Variants in PLXDC2 observed in about 807,000 individuals in gnomAD.
PLXDC2 encodes plexin domain-containing protein 2.
In PLXDC2, 40 loss-of-function variants were observed where a neutral mutation model predicts 68.9. The ratio of observed to expected loss-of-function variants is 0.58; its 90% CI spans 0.45 to 0.76. PLXDC2 has a LOEUF of 0.76. Ranked by LOEUF, PLXDC2 falls within the 30% of genes least tolerant of loss-of-function variation. PLXDC2 has a pLI of 0.00. For synonymous variants in PLXDC2, 243 were observed against 234.2 expected, an observed-to-expected ratio of 1.04 and a Z score of -0.34; for missense variants, 644 against 661.9, an observed-to-expected ratio of 0.97 and a Z score of 0.30.
chr10:20,056,535 G>T (rs79382948), intron 3 of PLXDC2, among the ~76,000 whole-genome samples: 5,897 of 152,162 alleles, frequency 0.039, 155 homozygotes, highest in South Asian at 0.067. Flanking sequence ...ACTAATAATT[G>T]AATCTACCCT....
chr10:20,222,472 T>G (rs896492411), intron 12 of PLXDC2, among the ~76,000 whole-genome samples: 28 of 152,228 alleles, frequency 1.8e-4, no homozygotes, highest in African/African-American at 6.3e-4. Flanking sequence ...TACATTTATA[T>G]TAGGTCCAGT....
intron 4 of PLXDC2, among the ~76,000 whole-genome samples, chr10:20,082,070 A>AAAAAAAAAAAAAAAAACAAAAAC: frequency 8.2e-6 from 1 of 121,932 alleles, no homozygotes; most frequent in Non-Finnish European, 1.8e-5. Flanking sequence ...AAATCAAAAA[A>AAAAAAAAAAAAAAAAACAAAAAC]AAAAAACAGG....
At chr10:19,893,782 G>A (rs1166488722) in intron 1 of PLXDC2, among the ~76,000 whole-genome samples, 1 of 152,196 alleles carries the variant, frequency 6.6e-6, no homozygotes, top group African/African-American at 2.4e-5. Flanking sequence ...TCATCAGCAT[G>A]TCATGTCAGA....
chr10:20,024,568 C>G (rs1361936643), intron 2 of PLXDC2, among the ~76,000 whole-genome samples: 1 of 151,972 alleles, frequency 6.6e-6, no homozygotes, highest in Non-Finnish European at 1.5e-5. Flanking sequence ...AACTTTTGTT[C>G]TTGTTTTTGT....
chr10:20,219,744 G>A (rs1785086653), intron 12 of PLXDC2, among the ~76,000 whole-genome samples: 1 of 152,010 alleles, frequency 6.6e-6, no homozygotes, highest in Admixed American at 6.6e-5. Flanking sequence ...ATGTATGCTG[G>A]GTCTTAATAA....
intron 12 of PLXDC2, among the ~76,000 whole-genome samples, chr10:20,244,938 A>G (rs908916693): frequency 4.6e-5 from 7 of 152,098 alleles, no homozygotes; most frequent in African/African-American, 1.7e-4. Context: ...AACATGGTGA[A>G]ATCCCATCTC....
intron 4 of PLXDC2, among the ~76,000 whole-genome samples, chr10:20,116,758 C>A (rs544154755): frequency 6.6e-6 from 1 of 152,114 alleles, no homozygotes; most frequent in Non-Finnish European, 1.5e-5. Context: ...TAAGCAATGA[C>A]ATCCCTTCTA....
At chr10:20,252,753 C>G (rs977120799) in intron 13 of PLXDC2, among the ~76,000 whole-genome samples, 2 of 152,286 alleles carry the variant, frequency 1.3e-5, no homozygotes, top group African/African-American at 2.4e-5. Context: ...AGCTTACATT[C>G]CAGTGGGTGG....
chr10:19,992,317 TG>T (rs1243145572), intron 1 of PLXDC2, among the ~76,000 whole-genome samples: 2 of 152,154 alleles, frequency 1.3e-5, no homozygotes, highest in African/African-American at 4.8e-5. Context: ...ACATTTTATG[TG>T]GTTTCTGGGT....
intron 1 of PLXDC2, among the ~76,000 whole-genome samples, chr10:19,984,631 A>G (rs914764676): frequency 3.3e-5 from 5 of 152,300 alleles, no homozygotes; most frequent in East Asian, 1.9e-4. Context: ...ATTTCTGCGC[A>G]TGACTGATGG....
chr10:20,116,173 A>T (rs1053709038), intron 4 of PLXDC2, among the ~76,000 whole-genome samples: 3 of 152,178 alleles, frequency 2.0e-5, no homozygotes, highest in Non-Finnish European at 4.4e-5. Flanking sequence ...GCCTCTTTTC[A>T]ACCTAAGGAG....
At chr10:20,179,517 C>T (rs1481607949) in intron 9 of PLXDC2, among the ~76,000 whole-genome samples, 1 of 151,920 alleles carries the variant, frequency 6.6e-6, no homozygotes, top group Non-Finnish European at 1.5e-5. Flanking sequence ...AGAAAAAAAA[C>T]AAGGACCATT....
intron 1 of PLXDC2, among the ~76,000 whole-genome samples, chr10:19,896,936 C>A (rs911056132): frequency 6.6e-6 from 1 of 152,154 alleles, no homozygotes; most frequent in South Asian, 2.1e-4. Context: ...CTCTTAGTAC[C>A]ACCTGAGGTT....
intron 1 of PLXDC2, among the ~76,000 whole-genome samples, chr10:19,929,644 G>A (rs555515634): frequency 6.6e-6 from 1 of 152,200 alleles, no homozygotes; most frequent in East Asian, 1.9e-4. Context: ...TCTTGTACAG[G>A]ATCAGAGTCT....
chr10:20,090,270 C>T (rs1427436308), intron 4 of PLXDC2, among the ~76,000 whole-genome samples: 1 of 152,088 alleles, frequency 6.6e-6, no homozygotes, highest in Non-Finnish European at 1.5e-5. Context: ...AAGTACAATT[C>T]CCACCAAAAT....
intron 3 of PLXDC2, among the ~76,000 whole-genome samples, chr10:20,056,972 A>G (rs1255587425): frequency 6.6e-6 from 1 of 152,134 alleles, no homozygotes; most frequent in Non-Finnish European, 1.5e-5. Flanking sequence ...AAAGCCTGCT[A>G]AAAGGGAGAC....
intron 2 of PLXDC2, among the ~76,000 whole-genome samples, chr10:20,044,255 TTC>T (rs1455957178): frequency 1.5e-5 from 2 of 130,484 alleles, no homozygotes; most frequent in African/African-American, 6.7e-5. Context: ...CTTTCTTTCT[TTC>T]TTTCTTTCTT....
At chr10:19,873,441 T>C (rs1774005358) in intron 1 of PLXDC2, among the ~76,000 whole-genome samples, 1 of 149,344 alleles carries the variant, frequency 6.7e-6, no homozygotes, top group Non-Finnish European at 1.5e-5. Context: ...ACTGAGACCT[T>C]GCTCCCTTAC....
At chr10:20,255,161 A>G (rs973367766) in intron 13 of PLXDC2, among the ~76,000 whole-genome samples, 5 of 150,304 alleles carry the variant, frequency 3.3e-5, no homozygotes, top group African/African-American at 1.2e-4. Context: ...CCATAGATGG[A>G]TAGATGGATG....
Sources: allele counts gnomAD v4.1 joint callset (sites outside exome capture counted in the v4.1 genomes callset), GRCh38; gene constraint gnomAD v4.1.1; transcripts MANE v1.5; gene names NCBI Gene and HGNC (gene_info 2026-07-23, HGNC 2026-07-21).